Variants in PSD3 observed in about 807,000 individuals in gnomAD.
PSD3 encodes the protein pleckstrin and Sec7 domain containing 3.
PSD3 carries 49 observed loss-of-function variants against 105.5 expected under a neutral mutation model. The observed-to-expected ratio is 0.46, with a 90% CI of 0.37 to 0.59. The LOEUF is 0.59. PSD3 is among the 20% of genes least tolerant of loss of function. The pLI is 0.00. For missense variants in PSD3, 1,561 were observed against 1,263.8 expected (o/e 1.24, Z -3.57); for synonymous variants, 557 against 457.8 (o/e 1.22, Z -2.77).
chr8:18,834,351 A>C (rs546032212), intron 4 of PSD3, among the ~76,000 whole-genome samples: 1 of 152,208 alleles, frequency 6.6e-6, no homozygotes, highest in African/African-American at 2.4e-5. Context: ...CTATCCTTCA[A>C]ATGGAAAGGG....
intron 15 of PSD3, among the ~76,000 whole-genome samples, chr8:18,550,329 G>C (rs1422970580): frequency 6.6e-6 from 1 of 152,146 alleles, no homozygotes; most frequent in Non-Finnish European, 1.5e-5. Context: ...AGAGCTCTTA[G>C]TCCTCTTTCA....
At chr8:18,591,005 C>G (rs774947335) in intron 12 of PSD3, among the ~76,000 whole-genome samples, 4 of 152,120 alleles carry the variant, frequency 2.6e-5, no homozygotes, top group African/African-American at 9.7e-5. Context: ...GTTAGCAAGA[C>G]AGCAGAATAG....
chr8:18,770,618 G>A (rs112500939), intron 8 of PSD3, among the ~76,000 whole-genome samples: 4 of 152,268 alleles, frequency 2.6e-5, no homozygotes, highest in African/African-American at 4.8e-5. Context: ...AAATGCCTTC[G>A]GGCACCAGCA....
intron 2 of PSD3, among the ~76,000 whole-genome samples, chr8:18,928,049 G>T (rs1338611821): frequency 6.6e-6 from 1 of 152,150 alleles, no homozygotes; most frequent in Non-Finnish European, 1.5e-5. Context: ...TTGTACAACA[G>T]TTCTCCTAAC....
In PSD3 at chr8:18,848,934, C is replaced by T. The variant is rs1327470237; in HGVS notation, c.1634+18740G>A. Among the ~76,000 whole-genome samples, 4 of 152,284 alleles carry T rather than the reference C, an allele frequency of 2.6e-5. No homozygotes were observed. The East Asian group carries it at 7.7e-4, about 29-fold the overall frequency. On this transcript the variant is annotated intron_variant, in intron 4 of 15. Coordinates refer to ENST00000327040, the MANE Select transcript of PSD3 (RefSeq NM_015310.4). The stretch of plus-strand genomic sequence containing the variant: ...TAAGAAATGCTCAGCTATGCAATTT[C>T]CACAAAGTCAATCAATGATGAATTC...
At chr8:18,692,556 A>C (rs1274852933) in intron 9 of PSD3, among the ~76,000 whole-genome samples, 2 of 152,120 alleles carry the variant, frequency 1.3e-5, no homozygotes, top group Non-Finnish European at 2.9e-5. Context: ...ATCAGGCCAT[A>C]ATGGAGCGGG....
chr8:18,927,231 T>C (rs1821431401), intron 2 of PSD3, among the ~76,000 whole-genome samples: 1 of 152,100 alleles, frequency 6.6e-6, no homozygotes, highest in Non-Finnish European at 1.5e-5. Flanking sequence ...TTGTTTTTTC[T>C]GAGACAGAGT....
intron 10 of PSD3, among the ~76,000 whole-genome samples, chr8:18,647,046 T>C (rs59587034): frequency 0.072 from 10,982 of 152,230 alleles, 553 homozygotes; most frequent in African/African-American, 0.15. Context: ...GAGATGTACA[T>C]GCACACACTC....
At chr8:18,980,784 T>G (rs906658355) in intron 1 of PSD3, among the ~76,000 whole-genome samples, 3 of 152,210 alleles carry the variant, frequency 2.0e-5, no homozygotes, top group Non-Finnish European at 2.9e-5. Context: ...TTGACGCTTC[T>G]GCCTGATCTT....
chr8:18,800,683 T>G (rs776396612), intron 7 of PSD3, among the ~76,000 whole-genome samples: 1 of 151,554 alleles, frequency 6.6e-6, no homozygotes, highest in Non-Finnish European at 1.5e-5. Flanking sequence ...AATAGTGTAA[T>G]ATGCATAACC....
intron 1 of PSD3, among the ~76,000 whole-genome samples, chr8:19,066,083 C>A (rs999963000): frequency 2.0e-5 from 3 of 152,208 alleles, no homozygotes; most frequent in African/African-American, 7.2e-5. Context: ...ATGGCAGCAC[C>A]TTTCTAAATC....
intron 1 of PSD3, among the ~76,000 whole-genome samples, chr8:18,962,928 TC>T (rs1339856024): frequency 1.3e-5 from 2 of 152,206 alleles, no homozygotes. Context: ...TTGGAAGAGT[TC>T]TTTCAGCCTA....
chr8:18,821,851 ATG>A (rs1262738942), intron 4 of PSD3, among the ~76,000 whole-genome samples: 2 of 115,606 alleles, frequency 1.7e-5, no homozygotes, highest in Non-Finnish European at 3.8e-5. Context: ...CCACACACAC[ATG>A]CACACACATG....
At chr8:19,011,360 G>C (rs370685503) in intron 1 of PSD3, among the ~76,000 whole-genome samples, 4 of 152,190 alleles carry the variant, frequency 2.6e-5, no homozygotes, top group African/African-American at 9.6e-5. Flanking sequence ...ACCTCCAAAA[G>C]TAGTAGTACC....
intron 1 of PSD3, among the ~76,000 whole-genome samples, chr8:19,057,147 T>TGAAC (rs529946112): frequency 1.1e-3 from 163 of 152,292 alleles, no homozygotes; most frequent in African/African-American, 3.8e-3. Context: ...CACTGGCATA[T>TGAAC]GAACATGTTT....
At chr8:18,837,449 G>T (rs1478150741) in intron 4 of PSD3, among the ~76,000 whole-genome samples, 1 of 152,132 alleles carries the variant, frequency 6.6e-6, no homozygotes, top group African/African-American at 2.4e-5. Flanking sequence ...AGAGGAGTAG[G>T]AGCAAGTTCA....
intron 9 of PSD3, among the ~76,000 whole-genome samples, chr8:18,696,193 T>C (rs1306058117): frequency 1.3e-5 from 2 of 152,250 alleles, no homozygotes. Flanking sequence ...TTTGTTGAGA[T>C]GGCATTGCCG....
At chr8:18,644,637 C>T (rs891291159) in intron 10 of PSD3, among the ~76,000 whole-genome samples, 5 of 152,144 alleles carry the variant, frequency 3.3e-5, no homozygotes, top group African/African-American at 9.7e-5. Context: ...CTCCTGAGCC[C>T]TCACCCAACT....
chr8:18,771,008 G>C (rs1807471189), intron 8 of PSD3, among the ~76,000 whole-genome samples: 1 of 152,196 alleles, frequency 6.6e-6, no homozygotes, highest in Non-Finnish European at 1.5e-5. Flanking sequence ...ACTGAAGTTT[G>C]GCTGTCTCTG....
Sources: allele counts gnomAD v4.1 joint callset (sites outside exome capture counted in the v4.1 genomes callset), GRCh38; gene constraint gnomAD v4.1.1; transcripts MANE v1.5; gene names NCBI Gene and HGNC (gene_info 2026-07-23, HGNC 2026-07-21).